Variants in GPC6 observed in about 807,000 individuals in gnomAD.
GPC6 encodes glypican 6.
GPC6 carries 14 observed loss-of-function variants against 55.2 expected under a neutral mutation model. That is an observed-to-expected ratio of 0.25 (90% CI 0.17 to 0.40). The LOEUF is 0.40. Ranked by LOEUF, GPC6 falls within the 10% of genes least tolerant of loss-of-function variation. The pLI is 1.00. For missense variants in GPC6, 641 were observed against 708.5 expected (o/e 0.90, Z 1.08); for synonymous variants, 278 against 259.6 (o/e 1.07, Z -0.68).
At chr13:93,577,347 CT>C (rs1876714690) in intron 2 of GPC6, among the ~76,000 whole-genome samples, 1 of 152,098 alleles carries the variant, frequency 6.6e-6, no homozygotes, top group Non-Finnish European at 1.5e-5. Flanking sequence ...AATTATCTCA[CT>C]TTTGAAAATT....
At chr13:93,762,102 C>G (rs948575314) in intron 2 of GPC6, among the ~76,000 whole-genome samples, 1 of 152,044 alleles carries the variant, frequency 6.6e-6, no homozygotes, top group African/African-American at 2.4e-5. Context: ...TTTTTTACAC[C>G]CCACACATAA....
At chr13:93,300,753 C>G (rs1485441560) in intron 1 of GPC6, among the ~76,000 whole-genome samples, 1 of 152,064 alleles carries the variant, frequency 6.6e-6, no homozygotes, top group Non-Finnish European at 1.5e-5. Context: ...GGCATGGTGG[C>G]TCATGCCTGT....
intron 6 of GPC6, among the ~76,000 whole-genome samples, chr13:94,321,858 C>A (rs1175725225): frequency 6.6e-6 from 1 of 152,226 alleles, no homozygotes; most frequent in Non-Finnish European, 1.5e-5. Context: ...CTGCAAACTT[C>A]TCCAGAACCC....
At chr13:94,212,084 G>A (rs1444012443) in intron 4 of GPC6, among the ~76,000 whole-genome samples, 1 of 152,154 alleles carries the variant, frequency 6.6e-6, no homozygotes, top group African/African-American at 2.4e-5. Flanking sequence ...GGGAAGGTGG[G>A]TTCTGCCCAT....
intron 1 of GPC6, among the ~76,000 whole-genome samples, chr13:93,490,173 A>G (rs573219830): frequency 3.4e-4 from 51 of 151,626 alleles, no homozygotes; most frequent in African/African-American, 1.1e-3. Flanking sequence ...AGTTTTTAGC[A>G]CGAAGGGCTG....
At position 94,042,200 on chromosome 13, in the gene GPC6, G is replaced by A. The variant is rs1002583544; in HGVS notation, c.877+14306G>A. Among the ~76,000 whole-genome samples, 7 of 151,712 alleles carry A rather than the reference G, an allele frequency of 4.6e-5. No individual in the cohort carries two copies. The East Asian group carries it at 1.2e-3, about 25-fold the overall frequency. ...CTCCTACTCTAGCCATGTAAAATAT[G>A]CCTGCTTTCCCTTTGCCTTCCACCA... On this transcript the variant is annotated intron_variant, in intron 4 of 8. Coordinates refer to ENST00000377047, the MANE Select transcript of GPC6 (RefSeq NM_005708.5).
intron 2 of GPC6, among the ~76,000 whole-genome samples, chr13:93,822,052 A>C (rs1334824617): frequency 6.6e-6 from 1 of 150,458 alleles, no homozygotes; most frequent in Non-Finnish European, 1.5e-5. Flanking sequence ...TGATATACAT[A>C]AAGTACATAA....
At chr13:94,389,768 T>C (rs1880564787) in intron 7 of GPC6, among the ~76,000 whole-genome samples, 1 of 151,818 alleles carries the variant, frequency 6.6e-6, no homozygotes, top group South Asian at 2.1e-4. Flanking sequence ...TTCAGAGGTC[T>C]TGAGTCAGTC....
chr13:93,858,177 C>T (rs1306159159), intron 3 of GPC6, among the ~76,000 whole-genome samples: 1 of 151,548 alleles, frequency 6.6e-6, no homozygotes, highest in Admixed American at 6.6e-5. Flanking sequence ...GAAAGTGCTT[C>T]TTATTCACAA....
At chr13:94,025,152 G>A (rs1882846405) in intron 3 of GPC6, among the ~76,000 whole-genome samples, 1 of 152,170 alleles carries the variant, frequency 6.6e-6, no homozygotes, top group Non-Finnish European at 1.5e-5. Context: ...CCAATGGTGA[G>A]ATAACCAAAA....
chr13:93,797,849 T>C (rs913329183), intron 2 of GPC6, among the ~76,000 whole-genome samples: 9 of 152,180 alleles, frequency 5.9e-5, no homozygotes, highest in Non-Finnish European at 1.3e-4. Flanking sequence ...GTTTCGAACA[T>C]GTGAAATGTT....
intron 4 of GPC6, among the ~76,000 whole-genome samples, chr13:94,040,484 A>C (rs1482882329): frequency 6.6e-6 from 1 of 151,780 alleles, no homozygotes; most frequent in Non-Finnish European, 1.5e-5. Context: ...GAGTATAAAT[A>C]ATTTCCCCAA....
At chr13:94,068,113 A>G (rs1884599094) in intron 4 of GPC6, among the ~76,000 whole-genome samples, 1 of 152,164 alleles carries the variant, frequency 6.6e-6, no homozygotes, top group Non-Finnish European at 1.5e-5. Context: ...AGACTGGGCA[A>G]TGTACAAAAG....
At chr13:94,391,674 G>A (rs1880650139) in intron 7 of GPC6, among the ~76,000 whole-genome samples, 1 of 152,136 alleles carries the variant, frequency 6.6e-6, no homozygotes, top group East Asian at 1.9e-4. Flanking sequence ...ATGTACCATT[G>A]TACGATGAAT....
chr13:93,327,050 A>G (rs962253644), intron 1 of GPC6, among the ~76,000 whole-genome samples: 5 of 152,232 alleles, frequency 3.3e-5, no homozygotes, highest in Non-Finnish European at 5.9e-5. Context: ...TTAGAAAAGA[A>G]AAAAAGGATG....
chr13:93,566,194 C>G (rs1355152348), intron 2 of GPC6, among the ~76,000 whole-genome samples: 1 of 152,146 alleles, frequency 6.6e-6, no homozygotes, highest in African/African-American at 2.4e-5. Flanking sequence ...AATAATCATG[C>G]TGCAAGCCAC....
chr13:93,992,982 A>G (rs1187032986), intron 3 of GPC6, among the ~76,000 whole-genome samples: 1 of 146,934 alleles, frequency 6.8e-6, no homozygotes, highest in Non-Finnish European at 1.5e-5. Flanking sequence ...TATCATGAAG[A>G]TGATCACATC....
At chr13:93,333,753 G>C (rs568976078) in intron 1 of GPC6, among the ~76,000 whole-genome samples, 3 of 152,032 alleles carry the variant, frequency 2.0e-5, no homozygotes, top group Non-Finnish European at 2.9e-5. Context: ...GCCCAGGCTG[G>C]CCTCAGACTC....
intron 4 of GPC6, among the ~76,000 whole-genome samples, chr13:94,232,248 G>A (rs1890751149): frequency 6.6e-6 from 1 of 152,016 alleles, no homozygotes. Context: ...TTTAAACAAG[G>A]ACTAATGGTA....
Sources: allele counts gnomAD v4.1 joint callset (sites outside exome capture counted in the v4.1 genomes callset), GRCh38; gene constraint gnomAD v4.1.1; transcripts MANE v1.5; gene names NCBI Gene and HGNC (gene_info 2026-07-23, HGNC 2026-07-21).